Variants in CYP2J2 observed in about 807,000 individuals in gnomAD.
The protein encoded by CYP2J2 is cytochrome P450 2J2.
A neutral mutation model predicts 48.8 loss-of-function variants in CYP2J2; 41 were observed. The ratio of observed to expected loss-of-function variants is 0.84; its 90% CI spans 0.66 to 1.09. The LOEUF (loss-of-function observed/expected upper bound fraction) is 1.09, where lower values mean the gene tolerates loss of function less well. Among genes scored for constraint, CYP2J2 ranks in the 50% least tolerant of loss-of-function variants. CYP2J2 has a pLI of 0.00. For missense variants in CYP2J2, 644 were observed against 617.3 expected (o/e 1.04, Z -0.46); for synonymous variants, 221 against 227.1 (o/e 0.97, Z 0.24).
intron 8 of CYP2J2, among the ~76,000 whole-genome samples, chr1:59,894,153 A>G (rs1167816014): frequency 6.6e-6 from 1 of 152,342 alleles, no homozygotes; most frequent in East Asian, 1.9e-4. Flanking sequence ...AGAGCTTTAA[A>G]AAAATCATTT....
the CYP2J2 span, among the ~76,000 whole-genome samples, chr1:59,937,928 CTCTA>C: frequency 6.6e-6 from 1 of 152,036 alleles, no homozygotes; most frequent in Non-Finnish European, 1.5e-5. Context: ...TTTTAATTAT[CTCTA>C]TCTTTTTGTT....
At position 59,905,918 on chromosome 1, in the gene CYP2J2, T is replaced by G. The variant is rs545554014; in HGVS notation, c.1004-860A>C. ...GACTGCCCAGCTAAAGAATATATTT[T>G]CCTCACGCTTGTAATCCCAGCACTT... On this transcript the variant is annotated intron_variant, in intron 6 of 8. Coordinates refer to ENST00000371204, the MANE Select transcript of CYP2J2 (RefSeq NM_000775.4). Among the ~76,000 whole-genome samples, 5 of 152,252 alleles carry G rather than the reference T, an allele frequency of 3.3e-5. No individual in the cohort carries two copies. In the East Asian group the frequency reaches 7.7e-4, roughly 24 times the overall value.
At chr1:59,949,345 C>A in the CYP2J2 span, among the ~76,000 whole-genome samples, 302 of 152,300 alleles carry the variant, frequency 2.0e-3, 1 homozygote, top group African/African-American at 6.9e-3. Context: ...CCAAATCCCA[C>A]CCCTGACTCC....
intron 1 of CYP2J2, among the ~76,000 whole-genome samples, chr1:59,925,648 T>C (rs1169643490): frequency 1.3e-5 from 2 of 152,224 alleles, no homozygotes; most frequent in Non-Finnish European, 2.9e-5. Context: ...ACCAATTGGG[T>C]ATTTCTCCCA....
the CYP2J2 span, among the ~76,000 whole-genome samples, chr1:59,964,734 A>G: frequency 1.3e-5 from 2 of 152,236 alleles, no homozygotes; most frequent in Non-Finnish European, 2.9e-5. Flanking sequence ...TTTCAGTTAC[A>G]TTACAGTTTC....
chr1:59,941,958 T>G, the CYP2J2 span, among the ~76,000 whole-genome samples: 1 of 152,192 alleles, frequency 6.6e-6, no homozygotes, highest in Non-Finnish European at 1.5e-5. Flanking sequence ...CAGTCAAGTA[T>G]AGTAGTGTCC....
chr1:59,916,749 A>AT (rs1483064682), intron 1 of CYP2J2, among the ~76,000 whole-genome samples: 4 of 152,078 alleles, frequency 2.6e-5, no homozygotes, highest in Admixed American at 2.6e-4. Context: ...TAGACATAGT[A>AT]AACAAGATTT....
the CYP2J2 span, among the ~76,000 whole-genome samples, chr1:59,944,784 A>C: frequency 1.3e-5 from 2 of 152,038 alleles, no homozygotes; most frequent in African/African-American, 2.4e-5. Flanking sequence ...AAGGTCAAAA[A>C]ATTTTAAATT....
chr1:59,954,448 C>A, the CYP2J2 span, among the ~76,000 whole-genome samples: 1 of 151,954 alleles, frequency 6.6e-6, no homozygotes. Flanking sequence ...CAGCAGATGA[C>A]AAGACATACA....
chr1:59,909,947 A>G lies in CYP2J2; in HGVS notation c.698T>C (p.Phe233Ser). The G allele has an allele frequency of 6.2e-7, 1 of 1,607,804 alleles. No homozygotes were observed. Among genetic ancestry groups the G allele is most frequent in the Non-Finnish European group, 8.5e-7 (1 of 1,178,182 alleles). The change falls in exon 5 of 9, where the codon TTT (phenylalanine) becomes TCT (serine). Residue 233 changes from phenylalanine to serine, a missense_variant. Physicochemically the swap from Phe to Ser is radical, Grantham distance 155. Coordinates refer to ENST00000371204, the MANE Select transcript of CYP2J2 (RefSeq NM_000775.4). ...AGGCAGGAATTTCATTATCCATGGA[A>G]AGACATTGTAGAGCTAATTGAGAAA... ...ASKTCQLYNV[F>S]PWIMKFLPGP...
the CYP2J2 span, among the ~76,000 whole-genome samples, chr1:59,956,441 C>T: frequency 6.6e-6 from 1 of 152,130 alleles, no homozygotes; most frequent in South Asian, 2.1e-4. Context: ...AATATGAGTA[C>T]AGTATTTTAG....
the CYP2J2 span, among the ~76,000 whole-genome samples, chr1:59,967,232 T>A: frequency 6.6e-6 from 1 of 152,174 alleles, no homozygotes; most frequent in Non-Finnish European, 1.5e-5. Context: ...CCAGGCCATG[T>A]AATCACAAGG....
chr1:59,953,706 C>A, the CYP2J2 span, among the ~76,000 whole-genome samples: 1 of 152,000 alleles, frequency 6.6e-6, no homozygotes, highest in African/African-American at 2.4e-5. Flanking sequence ...GAAAGTGATC[C>A]AGAGAGGGGA....
Position 59,911,610 on chromosome 1 carries a change from G to C in CYP2J2, c.682C>G (p.Gln228Glu), listed in dbSNP as rs1644414853. ...ATATGGAGAGACAGCTGCCTTACCT[G>C]GCATGTCTTTGAAGCCTCCAAGTAT... ...VTYLEASKTC[Q>E]LYNVFPWIMK... Residue 228 changes from glutamine (Q) to glutamate (E), a missense_variant and splice_region_variant, in exon 4 of 9, where the codon CAG (glutamine) becomes GAG (glutamate). By Grantham distance (29) the Gln-to-Glu change is conservative. Transcript: ENST00000371204. The C allele has an allele frequency of 7.5e-6, 12 of 1,601,156 alleles. No homozygotes were observed. The highest frequency in any genetic ancestry group is 1.0e-5 in the Non-Finnish European group (12 of 1,172,808).
At chr1:59,960,213 T>A in the CYP2J2 span, among the ~76,000 whole-genome samples, 38 of 152,116 alleles carry the variant, frequency 2.5e-4, 1 homozygote, top group African/African-American at 6.7e-4. Context: ...AAACAGCCAA[T>A]AAGGATGCAT....
At chr1:59,968,415 A>C in the CYP2J2 span, among the ~76,000 whole-genome samples, 2 of 151,804 alleles carry the variant, frequency 1.3e-5, no homozygotes, top group Non-Finnish European at 2.9e-5. Flanking sequence ...CCACACACCT[A>C]AGTACCTGGA....
At chr1:59,964,264 A>G in the CYP2J2 span, among the ~76,000 whole-genome samples, 1 of 152,206 alleles carries the variant, frequency 6.6e-6, no homozygotes, top group African/African-American at 2.4e-5. Context: ...TTTAGCTGCA[A>G]TCTCACCTCT....
rs759005313 is a variant in CYP2J2 at position 59,915,925 on chromosome 1, C to T, written c.373+13G>A. The T allele has an allele frequency of 2.5e-6, 4 of 1,610,302 alleles. No homozygotes were observed. Among genetic ancestry groups the T allele is most frequent in the Non-Finnish European group, 3.4e-6 (4 of 1,178,400 alleles). Reference sequence around the variant, plus strand: ...ACATCAAACACTCACCTTTCGTTGGCCAAGAAACTTACCATTTTTCTTAAA... The same window carrying T: ...ACATCAAACACTCACCTTTCGTTGGTCAAGAAACTTACCATTTTTCTTAAA... On this transcript the variant is annotated intron_variant, in intron 2 of 8. Coordinates refer to ENST00000371204, the MANE Select transcript of CYP2J2 (RefSeq NM_000775.4).
At chr1:59,904,018 TTC>T (rs1644343722) in intron 7 of CYP2J2, among the ~76,000 whole-genome samples, 1 of 152,218 alleles carries the variant, frequency 6.6e-6, no homozygotes, top group African/African-American at 2.4e-5. Context: ...GTTCACTCCT[TTC>T]TTTCCCTTCC....
Sources: allele counts gnomAD v4.1 joint callset (sites outside exome capture counted in the v4.1 genomes callset), GRCh38; gene constraint gnomAD v4.1.1; transcripts MANE v1.5; gene names NCBI Gene and HGNC (gene_info 2026-07-23, HGNC 2026-07-21).